The following EXD3 variants were observed in gnomAD, a reference collection of about 807,000 sequenced individuals.
The protein encoded by EXD3 is exonuclease 3'-5' domain containing 3.
In EXD3, 92 loss-of-function variants were observed where a neutral mutation model predicts 98.0. That is an observed-to-expected ratio of 0.94 (90% CI 0.79 to 1.12). The LOEUF is 1.12. Among genes scored for constraint, EXD3 ranks in the 50% most tolerant of loss-of-function variants. The probability of loss-of-function intolerance (pLI) is 0.00; values close to 1 mark genes in which losing one functional copy is unlikely to be tolerated. For missense variants in EXD3, 1,222 were observed against 1,191.6 expected (o/e 1.03, Z -0.38); for synonymous variants, 569 against 526.0 (o/e 1.08, Z -1.12).
chr9:137,327,278 C>T (rs559676271), intron 17 of EXD3, among the ~76,000 whole-genome samples: 4 of 152,110 alleles, frequency 2.6e-5, no homozygotes, highest in Non-Finnish European at 5.9e-5. Flanking sequence ...GGACTATAGG[C>T]GCCCTCCACC....
At chr9:137,378,149 C>A (rs1299498777) in intron 3 of EXD3, among the ~76,000 whole-genome samples, 1 of 151,994 alleles carries the variant, frequency 6.6e-6, no homozygotes, top group Non-Finnish European at 1.5e-5. Context: ...AACATGATTA[C>A]CACATGACCC....
In EXD3 at chr9:137,403,271, G is replaced by A. The variant is rs117341679; in HGVS notation, c.-47-7867C>T. 2.4e-3 allele frequency among the ~76,000 whole-genome samples: 358 copies of A among 151,956 alleles called. 8 individuals carry two copies. In the East Asian group the frequency reaches 0.057, roughly 24 times the overall value. On this transcript the variant is annotated intron_variant, in intron 1 of 21. Transcript: ENST00000340951. The surrounding 1 kb of genome is among the most constrained non-coding windows in gnomAD (Gnocchi z 6.1). ...GGGGCCCCACTGTGAGTGACCTGAG[G>A]GGCCCCAGAAGATGCAGACCCGAAC... is the stretch of plus-strand genomic sequence containing the variant.
In EXD3 at chr9:137,341,005, A is replaced by G. The variant is rs576666254; in HGVS notation, c.1998+7066T>C. 2.0e-5 allele frequency among the ~76,000 whole-genome samples: 3 copies of G among 152,356 alleles called. No individual in the cohort carries two copies. In the East Asian group the frequency reaches 5.8e-4, roughly 29 times the overall value. ...GTGATAACGTTAGAGGGATTAAGAC[A>G]TCGTGGCATCACGTAAAACTCAAGG... On this transcript the variant is annotated intron_variant, in intron 17 of 21. Coordinates refer to ENST00000340951, the MANE Select transcript of EXD3 (RefSeq NM_017820.5).
At chr9:137,418,788 A>T (rs1838367047) in intron 1 of EXD3, among the ~76,000 whole-genome samples, 1 of 151,642 alleles carries the variant, frequency 6.6e-6, no homozygotes, top group African/African-American at 2.4e-5. Context: ...AAGGGGAAAG[A>T]GGGAGAGACA....
chr9:137,325,397 T>C (rs1347996162), intron 17 of EXD3, among the ~76,000 whole-genome samples: 2 of 152,064 alleles, frequency 1.3e-5, no homozygotes, highest in African/African-American at 2.4e-5. Context: ...ACGGGACACC[T>C]TTCCATGCAT....
intron 1 of EXD3, among the ~76,000 whole-genome samples, chr9:137,399,595 C>T (rs911569137): frequency 6.6e-5 from 10 of 152,150 alleles, no homozygotes; most frequent in African/African-American, 2.2e-4. Context: ...CTTCCTAACC[C>T]CCATATTAGT....
At chr9:137,375,499 C>G (rs1028153136) in intron 3 of EXD3, among the ~76,000 whole-genome samples, 2 of 152,044 alleles carry the variant, frequency 1.3e-5, no homozygotes, top group Non-Finnish European at 2.9e-5. Flanking sequence ...TGAGTCCTAG[C>G]TCTAGTGAGT....
At chr9:137,379,772 T>C (rs1486458399) in intron 3 of EXD3, among the ~76,000 whole-genome samples, 2 of 151,938 alleles carry the variant, frequency 1.3e-5, no homozygotes, top group African/African-American at 4.8e-5. Context: ...CTGGTTTCTG[T>C]CACCCCCGGA....
chr9:137,336,571 C>A (rs1390692385), intron 17 of EXD3, among the ~76,000 whole-genome samples: 1 of 149,598 alleles, frequency 6.7e-6, no homozygotes, highest in Non-Finnish European at 1.5e-5. Context: ...TGAGGCAGAG[C>A]TGCTTGAACC....
In EXD3 at chr9:137,347,739, C is replaced by T. The variant is rs572270333; in HGVS notation, c.1998+332G>A. ...GATTATAGGCATGAGCCACTGCGTC[C>T]GGCCCCATTTCTGCTTTTAAGGGCT... On this transcript the variant is annotated intron_variant, in intron 17 of 21. Transcript: ENST00000340951. The surrounding 1 kb of genome is among the most constrained non-coding windows in gnomAD (Gnocchi z 4.2). Among the ~76,000 whole-genome samples, 4 of 152,268 alleles carry T rather than the reference C, an allele frequency of 2.6e-5. No individual in the cohort carries two copies. Among genetic ancestry groups the T allele is most frequent in the African/African-American group, 9.6e-5 (4 of 41,560 alleles).
chr9:137,313,759 G>T (rs1831487131), intron 19 of EXD3, among the ~76,000 whole-genome samples: 1 of 152,146 alleles, frequency 6.6e-6, no homozygotes, highest in Non-Finnish European at 1.5e-5. Context: ...ACCAGGCAGG[G>T]CGATGGGGCT....
chr9:137,418,595 A>AT (rs1312291175), intron 1 of EXD3, among the ~76,000 whole-genome samples: 1 of 152,212 alleles, frequency 6.6e-6, no homozygotes, highest in Non-Finnish European at 1.5e-5. Flanking sequence ...TTAACGGAAA[A>AT]TTAGGGTCAC....
intron 5 of EXD3, among the ~76,000 whole-genome samples, chr9:137,368,728 T>C (rs1835408296): frequency 6.6e-6 from 1 of 152,152 alleles, no homozygotes; most frequent in Non-Finnish European, 1.5e-5. Context: ...CCAGCCCCGG[T>C]GCGCAGGGTG....
In EXD3 at chr9:137,349,311, G is replaced by C. The variant is rs77484137; in HGVS notation, c.1658-29C>G. 3.9e-6 allele frequency: 6 copies of C among 1,552,410 alleles called. No individual in the cohort carries two copies. The South Asian group carries it at 7.0e-5, about 18-fold the overall frequency. ...TGTGGGGAGTCGGCCTCAGCCTCCC[G>C]GGACAGAGGGCGGGAGGGGCGTGAG... On this transcript the variant is annotated intron_variant, in intron 15 of 21. Transcript: ENST00000340951. This position sits in a 1 kb window ranked among gnomAD's most constrained non-coding sequence, Gnocchi z 7.4.
chr9:137,355,966 A>T (rs1197787523), intron 8 of EXD3, among the ~76,000 whole-genome samples: 1 of 152,026 alleles, frequency 6.6e-6, no homozygotes, highest in African/African-American at 2.4e-5. Flanking sequence ...AGTCCTGCGG[A>T]CTTGGACTCA....
chr9:137,419,149 G>GT (rs1838384216), intron 1 of EXD3, among the ~76,000 whole-genome samples: 1 of 152,110 alleles, frequency 6.6e-6, no homozygotes, highest in African/African-American at 2.4e-5. Context: ...TGCTGTTGGA[G>GT]TTATATTGGT....
rs1159135216 is a variant in EXD3, at chr9:137,307,503, GC to G, written c.2317+104del. On this transcript the variant is annotated intron_variant, in intron 21 of 21. Transcript: ENST00000340951. ...CTAGGGCCTACAGGAGCCCCACAGA[GC>G]CCCCTCTGCCCGGCCGGGACCCAAG... The G allele has an allele frequency of 6.9e-6, 10 of 1,441,806 alleles. No homozygotes were observed. The Middle Eastern group carries it at 9.7e-4, about 140-fold the overall frequency. The allele number at this position is 1,441,806 out of a possible 1,614,324, so 89.3% of individuals were successfully genotyped here. A position where few individuals can be genotyped will look rare whatever the true frequency, so the allele number is the denominator to read the frequency against.
chr9:137,320,788 G>A (rs578064900), intron 19 of EXD3, among the ~76,000 whole-genome samples: 81 of 152,300 alleles, frequency 5.3e-4, no homozygotes, highest in Middle Eastern at 3.4e-3. Context: ...TCCAGCAGGG[G>A]TTTCCTCCCA....
chr9:137,331,771 C>T (rs566572763), intron 17 of EXD3, among the ~76,000 whole-genome samples: 7 of 151,932 alleles, frequency 4.6e-5, no homozygotes, highest in East Asian at 3.9e-4. Context: ...CAAAAATTAG[C>T]GAGGTGTGGT....
Sources: allele counts gnomAD v4.1 joint callset (sites outside exome capture counted in the v4.1 genomes callset), GRCh38; gene constraint gnomAD v4.1.1; non-coding constraint Gnocchi (gnomAD v3.1); transcripts MANE v1.5; gene names NCBI Gene and HGNC (gene_info 2026-07-23, HGNC 2026-07-21).